The following BNC2 variants were observed in gnomAD, a reference collection of about 807,000 sequenced individuals.
BNC2 encodes the protein basonuclin zinc finger protein 2.
BNC2 carries 20 observed loss-of-function variants against 76.3 expected under a neutral mutation model. The ratio of observed to expected loss-of-function variants is 0.26; its 90% CI spans 0.18 to 0.38. The LOEUF is 0.38. BNC2 is among the 10% of genes least tolerant of loss of function. The pLI is 1.00. For missense variants in BNC2, 1,382 were observed against 1,399.8 expected, an observed-to-expected ratio of 0.99 and a Z score of 0.20; for synonymous variants, 582 against 514.8, an observed-to-expected ratio of 1.13 and a Z score of -1.77.
intron 1 of BNC2, among the ~76,000 whole-genome samples, chr9:16,788,072 G>T (rs932965780): frequency 6.6e-6 from 1 of 152,092 alleles, no homozygotes; most frequent in East Asian, 1.9e-4. Flanking sequence ...ACTCCTTCTG[G>T]TGGAAAGGAT....
At chr9:16,602,128 G>A (rs531057862) in intron 3 of BNC2, among the ~76,000 whole-genome samples, 3 of 152,146 alleles carry the variant, frequency 2.0e-5, no homozygotes, top group East Asian at 1.9e-4. Context: ...TGAATACAAA[G>A]CAGGTTCTTT....
chr9:16,456,708 A>G (rs924308764), intron 5 of BNC2, among the ~76,000 whole-genome samples: 5 of 152,130 alleles, frequency 3.3e-5, no homozygotes, highest in Non-Finnish European at 5.9e-5. Context: ...GGAAGCAACT[A>G]AAGAGTCCTT....
intron 6 of BNC2, among the ~76,000 whole-genome samples, chr9:16,420,611 C>T (rs1228980970): frequency 1.3e-5 from 2 of 151,948 alleles, no homozygotes; most frequent in Non-Finnish European, 2.9e-5. Context: ...AACTGGAACC[C>T]ATACTTCTTC....
chr9:16,861,757 A>AGGCG (rs572700340), intron 1 of BNC2, among the ~76,000 whole-genome samples: 11 of 152,332 alleles, frequency 7.2e-5, no homozygotes, highest in Non-Finnish European at 1.6e-4. Flanking sequence ...TGGGAGGCCG[A>AGGCG]GGCGGGAGGA....
At chr9:16,683,616 T>C (rs1822888965) in intron 3 of BNC2, among the ~76,000 whole-genome samples, 1 of 152,190 alleles carries the variant, frequency 6.6e-6, no homozygotes, top group East Asian at 1.9e-4. Context: ...TAAAAAGGAC[T>C]AGGACACATG....
intron 3 of BNC2, among the ~76,000 whole-genome samples, chr9:16,608,442 G>C (rs1170126612): frequency 2.0e-5 from 3 of 149,354 alleles, no homozygotes; most frequent in African/African-American, 7.4e-5. Flanking sequence ...AAAACTAAAA[G>C]AAAAAAAAAG....
At chr9:16,791,377 T>C (rs1370716613) in intron 1 of BNC2, among the ~76,000 whole-genome samples, 1 of 152,192 alleles carries the variant, frequency 6.6e-6, no homozygotes, top group Non-Finnish European at 1.5e-5. Flanking sequence ...ATAGTTAATG[T>C]AACATGATAA....
chr9:16,725,985 A>AACACACACACAC (rs201355622), intron 3 of BNC2, among the ~76,000 whole-genome samples: 299 of 142,400 alleles, frequency 2.1e-3, no homozygotes, highest in African/African-American at 4.9e-3. Flanking sequence ...CTTCCCTTCT[A>AACACACACACAC]ACACACACAC....
At position 16,688,489 on chromosome 9, in the gene BNC2, T is replaced by C. The variant is rs918309172; in HGVS notation, c.330+39308A>G. 2.0e-5 allele frequency among the ~76,000 whole-genome samples: 3 copies of C among 152,156 alleles called. No homozygotes were observed. The East Asian group carries it at 5.8e-4, about 29-fold the overall frequency. On this transcript the variant is annotated intron_variant, in intron 3 of 6. Coordinates refer to ENST00000380672, the MANE Select transcript of BNC2 (RefSeq NM_017637.6). Reference sequence around the variant, plus strand: ...TTATTTAATATAAATTTTAAACTGATTTGGGGAATTCCGTTTTATCCACTT... The same window carrying C: ...TTATTTAATATAAATTTTAAACTGACTTGGGGAATTCCGTTTTATCCACTT...
At chr9:16,589,202 T>A (rs1408499237) in intron 3 of BNC2, among the ~76,000 whole-genome samples, 3 of 152,172 alleles carry the variant, frequency 2.0e-5, no homozygotes, top group African/African-American at 7.2e-5. Context: ...GTTGTTTTTT[T>A]CTGAGACAGA....
intron 1 of BNC2, among the ~76,000 whole-genome samples, chr9:16,863,664 T>C (rs1262910723): frequency 6.6e-6 from 1 of 152,156 alleles, no homozygotes; most frequent in South Asian, 2.1e-4. Context: ...CACTGCACTC[T>C]AGTTTGGGCG....
At chr9:16,604,858 A>G (rs930763734) in intron 3 of BNC2, among the ~76,000 whole-genome samples, 1 of 152,182 alleles carries the variant, frequency 6.6e-6, no homozygotes, top group East Asian at 1.9e-4. Flanking sequence ...ATGCTATGTG[A>G]ATTTTACTTC....
chr9:16,810,424 C>T (rs1033729767), intron 1 of BNC2, among the ~76,000 whole-genome samples: 3 of 152,224 alleles, frequency 2.0e-5, no homozygotes, highest in Non-Finnish European at 4.4e-5. Flanking sequence ...ATAGGGGCTA[C>T]AGGCTAGGCG....
intron 3 of BNC2, among the ~76,000 whole-genome samples, chr9:16,595,380 C>A (rs1820037761): frequency 6.6e-6 from 1 of 151,988 alleles, no homozygotes; most frequent in Non-Finnish European, 1.5e-5. Context: ...GTCTATGTGC[C>A]CCCTTATACG....
chr9:16,648,903 A>C (rs1821714519), intron 3 of BNC2, among the ~76,000 whole-genome samples: 1 of 152,214 alleles, frequency 6.6e-6, no homozygotes, highest in Non-Finnish European at 1.5e-5. Flanking sequence ...AGTATGAGGT[A>C]CTCAAACTAT....
chr9:16,572,701 G>T (rs2132874618), intron 4 of BNC2, among the ~76,000 whole-genome samples: 1 of 152,240 alleles, frequency 6.6e-6, no homozygotes. Flanking sequence ...CCACTTTCTT[G>T]ATGAACAAGG....
intron 3 of BNC2, among the ~76,000 whole-genome samples, chr9:16,656,968 G>A (rs1301823888): frequency 6.6e-6 from 1 of 152,148 alleles, no homozygotes; most frequent in Non-Finnish European, 1.5e-5. Context: ...TGACTTTCTG[G>A]TTTCTAGCCA....
chr9:16,581,976 C>T (rs1819640941), intron 4 of BNC2, among the ~76,000 whole-genome samples: 1 of 152,160 alleles, frequency 6.6e-6, no homozygotes, highest in Non-Finnish European at 1.5e-5. Flanking sequence ...CACGCCCTCA[C>T]AAGCAAGGTA....
At position 16,414,951 on chromosome 9, in the gene BNC2, A is replaced by G. The variant is rs778121633; in HGVS notation, c.*4038T>C. ...TTTTTTTTTTTCCTTAGAGCAATGTATAATAATGGGGCTGTTAACCAGTTA... is the reference window on the plus strand; with the variant it reads ...TTTTTTTTTTTCCTTAGAGCAATGTGTAATAATGGGGCTGTTAACCAGTTA... On this transcript the variant is annotated 3_prime_UTR_variant, in exon 7 of 7. Coordinates refer to ENST00000380672, the MANE Select transcript of BNC2 (RefSeq NM_017637.6). 3.6e-4 allele frequency: 53 copies of G among 147,606 alleles called. No individual in the cohort carries two copies. The highest frequency in any genetic ancestry group is 5.9e-4 in the Non-Finnish European group (40 of 67,274). 9.1% of individuals were successfully genotyped at this position (147,606 alleles called of 1,614,324 possible).
Sources: gnomAD v4.1 joint callset for allele counts (sites outside exome capture counted in the v4.1 genomes callset) on GRCh38, gnomAD v4.1.1 for gene constraint, MANE v1.5 for transcripts, NCBI Gene and HGNC (gene_info 2026-07-23, HGNC 2026-07-21) for gene names.